Variants in CFAP54 observed in about 807,000 individuals in gnomAD.
CFAP54 encodes cilia- and flagella-associated protein 54.
Under a neutral mutation model 370.4 loss-of-function variants are expected in CFAP54, and 290 were observed. The observed-to-expected ratio is 0.78, with a 90% CI of 0.71 to 0.86. CFAP54 has a LOEUF of 0.86. CFAP54 is among the 40% of genes least tolerant of loss of function. CFAP54 has a pLI of 0.00. For synonymous variants in CFAP54, 1,206 were observed against 1,236.5 expected (o/e 0.98, Z 0.52); for missense variants, 3,399 against 3,528.7 (o/e 0.96, Z 0.93).
At chr12:96,707,931 G>C (rs983056364) in intron 47 of CFAP54, among the ~76,000 whole-genome samples, 1 of 152,048 alleles carries the variant, frequency 6.6e-6, no homozygotes, top group Admixed American at 6.6e-5. Context: ...GAGAGAGGGT[G>C]AATGGACTGG....
intron 23 of CFAP54, 107 bp from the exon 24 acceptor site, chr12:96,592,383 C>T (rs982275289): frequency 1.1e-5 from 4 of 358,128 alleles, no homozygotes; most frequent in Non-Finnish European, 2.0e-5. Flanking sequence ...ACTTTTGTTG[C>T]TTTTTTGGGA....
intron 39 of CFAP54, among the ~76,000 whole-genome samples, chr12:96,675,433 A>G (rs1219336915): frequency 6.6e-6 from 1 of 152,192 alleles, no homozygotes; most frequent in Non-Finnish European, 1.5e-5. Context: ...AAAAGTCAGG[A>G]AACGACAGGT....
At chr12:96,742,772 G>A (rs1275954891) in intron 52 of CFAP54, among the ~76,000 whole-genome samples, 186 bp downstream of exon 52, 1 of 152,140 alleles carries the variant, frequency 6.6e-6, no homozygotes, top group African/African-American at 2.4e-5. Context: ...ATCATTGAAA[G>A]TGGCTTATAT....
intron 26 of CFAP54, among the ~76,000 whole-genome samples, chr12:96,604,383 G>C (rs888803798): frequency 1.3e-5 from 2 of 152,202 alleles, no homozygotes; most frequent in African/African-American, 4.8e-5. Flanking sequence ...ACTGGCAGGA[G>C]GTGTCTCCCA....
At chr12:96,830,977 A>G (rs1203188742) in intron 66 of CFAP54, among the ~76,000 whole-genome samples, 1 of 151,828 alleles carries the variant, frequency 6.6e-6, no homozygotes, top group Non-Finnish European at 1.5e-5. Context: ...AGCCCAGCCC[A>G]TCTACACTAG....
In CFAP54 at chr12:96,554,198, A is replaced by T. The variant is rs1376635623; in HGVS notation, c.2171A>T (p.Gln724Leu). 6.6e-7 allele frequency: 1 copy of T among 1,509,364 alleles called. No homozygotes were observed. The highest frequency in any genetic ancestry group is 8.8e-7 in the Non-Finnish European group (1 of 1,136,020). 93.5% of individuals were successfully genotyped at this position (1,509,364 alleles called of 1,614,324 possible). A position where few individuals can be genotyped will look rare whatever the true frequency, so the allele number is the denominator to read the frequency against. ...LPILQKNPVE[Q>L]LLFAYKLLDR... ...TTATTTTAGAAAAATCCTGTGGAAC[A>T]GTTACTTTTTGCTTATAAACTTCTT... The change falls in exon 16 of 68, where the codon CAG becomes CTG. Residue 724 changes from glutamine (Q) to leucine (L), a missense_variant. This residue lies in a region of CFAP54 where 2,796 missense variants were observed against 2,869.7 expected (regional missense o/e 0.97). Coordinates refer to ENST00000524981, the MANE Select transcript of CFAP54 (RefSeq NM_001306084.2).
intron 26 of CFAP54, among the ~76,000 whole-genome samples, chr12:96,612,618 A>G (rs969356871): frequency 6.6e-6 from 1 of 152,224 alleles, no homozygotes; most frequent in Non-Finnish European, 1.5e-5. Context: ...GTCAAGACCC[A>G]TTGGTGTGCT....
intron 55 of CFAP54, among the ~76,000 whole-genome samples, chr12:96,745,848 C>T (rs1467692956): frequency 6.6e-6 from 1 of 152,176 alleles, no homozygotes; most frequent in South Asian, 2.1e-4. Context: ...GTCAAGGTCC[C>T]TTGAAGGGAC....
chr12:96,835,489 C>T (rs1285050670), intron 66 of CFAP54, among the ~76,000 whole-genome samples: 1 of 152,134 alleles, frequency 6.6e-6, no homozygotes, highest in African/African-American at 2.4e-5. Flanking sequence ...AAAGTGGGAC[C>T]TTGCCAGGGA....
chr12:96,523,301 C>G (rs554685078), intron 8 of CFAP54, among the ~76,000 whole-genome samples: 16 of 152,180 alleles, frequency 1.1e-4, no homozygotes, highest in Admixed American at 5.9e-4. Flanking sequence ...GGCTCAAGGT[C>G]ACAAAGGCAG....
At chr12:96,710,716 A>G (rs1326347718) in intron 48 of CFAP54, among the ~76,000 whole-genome samples, 14 of 151,594 alleles carry the variant, frequency 9.2e-5, no homozygotes, top group Admixed American at 2.6e-4. Flanking sequence ...CTGGAGTGCA[A>G]TGGTGTCATC....
intron 19 of CFAP54, among the ~76,000 whole-genome samples, chr12:96,565,313 A>G (rs1227520101): frequency 1.3e-5 from 2 of 152,150 alleles, no homozygotes; most frequent in Admixed American, 6.6e-5. Flanking sequence ...AGATCACTGC[A>G]GCTTTGAACT....
intron 50 of CFAP54, among the ~76,000 whole-genome samples, chr12:96,723,344 G>A (rs1957782057): frequency 6.6e-6 from 1 of 152,110 alleles, no homozygotes; most frequent in African/African-American, 2.4e-5. Flanking sequence ...CCAACTTTAC[G>A]AGACTGGGGA....
At chr12:96,693,895 A>C in intron 45 of CFAP54, 87 bp downstream of exon 45, 1 of 798,774 alleles carries the variant, frequency 1.3e-6, no homozygotes, top group South Asian at 1.9e-5. Context: ...ACTTATAATA[A>C]CAAGCTGATA....
chr12:96,536,815 C>T (rs1249215460), intron 12 of CFAP54, among the ~76,000 whole-genome samples: 4 of 151,778 alleles, frequency 2.6e-5, no homozygotes, highest in South Asian at 2.1e-4. Flanking sequence ...TTAGTAGAGA[C>T]GGGTTTCCCC....
At chr12:96,873,449 C>A (rs1053772849) in intron 67 of CFAP54, among the ~76,000 whole-genome samples, 1 of 152,152 alleles carries the variant, frequency 6.6e-6, no homozygotes, top group Non-Finnish European at 1.5e-5. Flanking sequence ...TCGACTCAAT[C>A]CAGAGGTTCA....
At chr12:96,682,372 ATT>A (rs561899838) in intron 40 of CFAP54, 119 of 775,872 alleles carry the variant, frequency 1.5e-4, no homozygotes, top group Middle Eastern at 6.5e-4. Flanking sequence ...TTTTCTTTAA[ATT>A]TTTTTTTTTT....
rs564249155 is a variant in CFAP54 at position 96,850,011 on chromosome 12, A to G, written c.9172-10808A>G. On this transcript the variant is annotated intron_variant, in intron 66 of 67. Transcript: ENST00000524981. Reference sequence around the variant, plus strand: ...ATATTTACAACAAGCAAGCAAACATAAAAGATCTCTAATTCCCTTTGGCAG... The same window carrying G: ...ATATTTACAACAAGCAAGCAAACATGAAAGATCTCTAATTCCCTTTGGCAG... Among the ~76,000 whole-genome samples, 41 of 152,300 alleles carry G rather than the reference A, an allele frequency of 2.7e-4. No individual in the cohort carries two copies. The South Asian group carries it at 5.2e-3, about 19-fold the overall frequency.
chr12:96,588,132 C>T (rs1312363378), intron 22 of CFAP54, among the ~76,000 whole-genome samples: 1 of 152,130 alleles, frequency 6.6e-6, no homozygotes, highest in Non-Finnish European at 1.5e-5. Flanking sequence ...AATCTTATTA[C>T]CCACTTGTTT....
Sources: gnomAD v4.1 joint callset for allele counts (sites outside exome capture counted in the v4.1 genomes callset) on GRCh38, gnomAD v4.1.1 for gene constraint, gnomAD v4.1.1 regional missense constraint, MANE v1.5 for transcripts, NCBI Gene and HGNC (gene_info 2026-07-23, HGNC 2026-07-21) for gene names.